Variants in NME7 observed in about 807,000 individuals in gnomAD.
NME7 encodes nucleoside diphosphate kinase 7.
In NME7, 41 loss-of-function variants were observed where a neutral mutation model predicts 49.1. That is an observed-to-expected ratio of 0.83 (90% CI 0.65 to 1.08). NME7 has a LOEUF of 1.08. Ranked by LOEUF, NME7 falls within the 50% of genes least tolerant of loss-of-function variation. The pLI is 0.00. For synonymous variants in NME7, 139 were observed against 150.6 expected (o/e 0.92, Z 0.56); for missense variants, 423 against 463.4 (o/e 0.91, Z 0.80).
chr1:169,320,579 A>T (rs1470989398), intron 3 of NME7, among the ~76,000 whole-genome samples: 1 of 152,210 alleles, frequency 6.6e-6, no homozygotes, highest in African/African-American at 2.4e-5. Context: ...ACATACACAC[A>T]TATTTCCATA....
rs1050799306 is a variant in NME7, at chr1:169,163,980, T to G, written c.1098+5467A>C. Among the ~76,000 whole-genome samples the G allele has an allele frequency of 1.2e-4, 18 of 151,688 alleles. No individual in the cohort carries two copies. In the East Asian group the frequency reaches 1.6e-3, roughly 13 times the overall value. Reference sequence around the variant, plus strand: ...AAAAAATTAGCTGGGCGTGGTGGCATGCACCTGTAGTCCCAGCTACTCGGG... The same window carrying G: ...AAAAAATTAGCTGGGCGTGGTGGCAGGCACCTGTAGTCCCAGCTACTCGGG... On this transcript the variant is annotated intron_variant, in intron 11 of 11. Coordinates refer to ENST00000367811, the MANE Select transcript of NME7 (RefSeq NM_013330.5).
At chr1:169,199,483 A>ATTC (rs950186998) in intron 10 of NME7, among the ~76,000 whole-genome samples, 1 of 144,836 alleles carries the variant, frequency 6.9e-6, no homozygotes, top group African/African-American at 2.6e-5. Flanking sequence ...TATTATTATT[A>ATTC]TTATTATTAT....
chr1:169,231,844 A>T (rs1259484521), intron 9 of NME7, among the ~76,000 whole-genome samples: 1 of 152,124 alleles, frequency 6.6e-6, no homozygotes, highest in East Asian at 1.9e-4. Flanking sequence ...CAAAAGTTTC[A>T]AATTGATTCC....
At chr1:169,166,823 T>A (rs999933767) in intron 11 of NME7, among the ~76,000 whole-genome samples, 2 of 152,034 alleles carry the variant, frequency 1.3e-5, no homozygotes, top group African/African-American at 4.8e-5. Context: ...ATACAAAAAA[T>A]TAGCTGGGCA....
chr1:169,136,385 G>A (rs1436929716), intron 11 of NME7, among the ~76,000 whole-genome samples: 3 of 152,212 alleles, frequency 2.0e-5, no homozygotes, highest in African/African-American at 7.2e-5. Context: ...AGAAGTCCAT[G>A]CCTACCATAA....
chr1:169,171,920 A>G (rs1659608734), intron 10 of NME7, among the ~76,000 whole-genome samples: 1 of 151,012 alleles, frequency 6.6e-6, no homozygotes. Flanking sequence ...GGGTGCTACC[A>G]TTTTTCCTGA....
intron 3 of NME7, 26 bp downstream of exon 3, chr1:169,323,091 A>G: frequency 1.3e-6 from 2 of 1,494,560 alleles, no homozygotes; most frequent in Non-Finnish European, 1.8e-6. Flanking sequence ...AGAGCATGTA[A>G]AAAGATTATA....
chr1:169,343,495 T>C (rs75262775), intron 1 of NME7, among the ~76,000 whole-genome samples: 3,147 of 146,976 alleles, frequency 0.021, 113 homozygotes, highest in African/African-American at 0.074. Context: ...CATTGTCTCT[T>C]TTTTTTTTTT....
chr1:169,188,415 A>G (rs140708195), intron 10 of NME7, among the ~76,000 whole-genome samples: 1 of 152,332 alleles, frequency 6.6e-6, no homozygotes, highest in East Asian at 1.9e-4. Flanking sequence ...TTGTTCAATC[A>G]CGTCTATGCA....
intron 11 of NME7, among the ~76,000 whole-genome samples, chr1:169,133,124 A>AAAT (rs1658300693): frequency 1.3e-5 from 2 of 152,236 alleles, no homozygotes; most frequent in Admixed American, 6.5e-5. Context: ...AGTTTTTAAA[A>AAAT]AATGAGGTTA....
intron 2 of NME7, among the ~76,000 whole-genome samples, chr1:169,323,907 G>A (rs1381823636): frequency 7.1e-6 from 1 of 140,010 alleles, no homozygotes; most frequent in African/African-American, 2.7e-5. Context: ...AGGCAGGAGT[G>A]CAGTGGCGTG....
At chr1:169,231,857 G>T (rs945649424) in intron 9 of NME7, among the ~76,000 whole-genome samples, 4 of 152,222 alleles carry the variant, frequency 2.6e-5, no homozygotes, top group Middle Eastern at 3.4e-3. Context: ...TTGATTCCAA[G>T]TGATTTAACT....
At chr1:169,356,993 G>A (rs1653488377) in intron 1 of NME7, among the ~76,000 whole-genome samples, 1 of 152,186 alleles carries the variant, frequency 6.6e-6, no homozygotes, top group South Asian at 2.1e-4. Context: ...CCCACATTCA[G>A]TAGGTCTCTA....
At chr1:169,234,357 T>C (rs1647767059) in intron 9 of NME7, among the ~76,000 whole-genome samples, 1 of 152,116 alleles carries the variant, frequency 6.6e-6, no homozygotes, top group African/African-American at 2.4e-5. Context: ...TCAATATATA[T>C]AATAAGTGTG....
At chr1:169,314,664 T>C (rs1475747994) in intron 3 of NME7, among the ~76,000 whole-genome samples, 3 of 151,982 alleles carry the variant, frequency 2.0e-5, no homozygotes, top group South Asian at 4.1e-4. Flanking sequence ...TTTTAAAGCC[T>C]AGATGATAGG....
At chr1:169,149,605 G>C (rs1219719015) in intron 11 of NME7, among the ~76,000 whole-genome samples, 6 of 152,122 alleles carry the variant, frequency 3.9e-5, no homozygotes, top group African/African-American at 1.4e-4. Context: ...ATCAAAAACA[G>C]TAACAATACA....
At chr1:169,293,675 GT>G in intron 6 of NME7, among the ~76,000 whole-genome samples, 1 of 151,966 alleles carries the variant, frequency 6.6e-6, no homozygotes, top group Non-Finnish European at 1.5e-5. Flanking sequence ...TGTCTTAACT[GT>G]TTTGGACCCT....
At chr1:169,152,122 C>T (rs1557963568) in intron 11 of NME7, among the ~76,000 whole-genome samples, 1 of 152,056 alleles carries the variant, frequency 6.6e-6, no homozygotes, top group Admixed American at 6.5e-5. Context: ...AGGCCTGACA[C>T]GAAACAGGCC....
chr1:169,227,292 T>C (rs970086010), intron 10 of NME7, among the ~76,000 whole-genome samples: 1 of 152,174 alleles, frequency 6.6e-6, no homozygotes, highest in Non-Finnish European at 1.5e-5. Context: ...GTTGTTGTTT[T>C]AGGCATTCAA....
Sources: gnomAD v4.1 joint callset for allele counts (sites outside exome capture counted in the v4.1 genomes callset) on GRCh38, gnomAD v4.1.1 for gene constraint, MANE v1.5 for transcripts, NCBI Gene and HGNC (gene_info 2026-07-23, HGNC 2026-07-21) for gene names.